Variants in TENM3 observed in about 807,000 individuals in gnomAD.
TENM3 encodes teneurin transmembrane protein 3, also known as teneurin-3.
A neutral mutation model predicts 255.1 loss-of-function variants in TENM3; 63 were observed. That is an observed-to-expected ratio of 0.25 (90% CI 0.20 to 0.30). The LOEUF is 0.30. Ranked by LOEUF, TENM3 falls within the 10% of genes least tolerant of loss-of-function variation. The pLI is 1.00. For missense variants in TENM3, 2,929 were observed against 3,461.1 expected (o/e 0.85, Z 3.86); for synonymous variants, 1,306 against 1,322.3 (o/e 0.99, Z 0.27).
At chr4:182,401,350 G>T (rs913952273) in intron 3 of TENM3, among the ~76,000 whole-genome samples, 1 of 152,134 alleles carries the variant, frequency 6.6e-6, no homozygotes, top group Admixed American at 6.5e-5. Flanking sequence ...TGGTGGTTTG[G>T]AGAAACTTTA....
the TENM3 span, among the ~76,000 whole-genome samples, chr4:181,734,024 C>A: frequency 6.6e-5 from 10 of 152,148 alleles, no homozygotes; most frequent in South Asian, 1.9e-3. Flanking sequence ...AAGCCATAAA[C>A]GTATCTTTGA....
intron 1 of TENM3, among the ~76,000 whole-genome samples, chr4:182,283,080 G>A (rs1368897749): frequency 6.6e-6 from 1 of 151,974 alleles, no homozygotes; most frequent in Admixed American, 6.6e-5. Context: ...AGAAAGCTGT[G>A]GCTTTCCTAT....
chr4:181,498,409 C>A, the TENM3 span, among the ~76,000 whole-genome samples: 30 of 152,154 alleles, frequency 2.0e-4, no homozygotes, highest in Middle Eastern at 3.2e-3. Flanking sequence ...GGACTCCACT[C>A]AGTTCTAAAC....
chr4:182,029,817 T>G, the TENM3 span, among the ~76,000 whole-genome samples: 4 of 152,110 alleles, frequency 2.6e-5, no homozygotes, highest in Non-Finnish European at 5.9e-5. Context: ...TTTAAATTAG[T>G]ATCAAACTAA....
the TENM3 span, among the ~76,000 whole-genome samples, chr4:181,580,683 G>A: frequency 6.6e-6 from 1 of 151,952 alleles, no homozygotes; most frequent in Admixed American, 6.6e-5. Flanking sequence ...CAGAGAAAGA[G>A]AGAGAGAGGA....
the TENM3 span, among the ~76,000 whole-genome samples, chr4:181,673,612 A>T: frequency 3.0e-4 from 46 of 152,192 alleles, no homozygotes; most frequent in Non-Finnish European, 6.3e-4. Flanking sequence ...ATTTTAAAGT[A>T]AGGATTTCCA....
At chr4:181,758,669 G>A in the TENM3 span, among the ~76,000 whole-genome samples, 3 of 152,300 alleles carry the variant, frequency 2.0e-5, no homozygotes, top group East Asian at 5.8e-4. Flanking sequence ...ACCCAACTTT[G>A]AGCTAAGTGC....
At chr4:181,849,495 A>G in the TENM3 span, among the ~76,000 whole-genome samples, 1 of 152,238 alleles carries the variant, frequency 6.6e-6, no homozygotes, top group South Asian at 2.1e-4. Context: ...AGAGAAAATG[A>G]TTAATTAGAT....
the TENM3 span, among the ~76,000 whole-genome samples, chr4:181,683,501 G>T: frequency 6.6e-6 from 1 of 152,170 alleles, no homozygotes; most frequent in Non-Finnish European, 1.5e-5. Flanking sequence ...TTATTCTTCA[G>T]TAAGTCTAGT....
the TENM3 span, among the ~76,000 whole-genome samples, chr4:182,113,876 T>G: frequency 2.0e-5 from 3 of 152,214 alleles, no homozygotes; most frequent in Admixed American, 6.5e-5. Context: ...AAGTGAATTG[T>G]TCCCAAATTT....
chr4:182,528,712 C>T (rs1739477714), intron 3 of TENM3, among the ~76,000 whole-genome samples: 1 of 152,196 alleles, frequency 6.6e-6, no homozygotes, highest in African/African-American at 2.4e-5. Flanking sequence ...CAGGGTTGTC[C>T]AGTCTTTTGG....
At chr4:181,885,513 G>A in the TENM3 span, among the ~76,000 whole-genome samples, 1 of 152,010 alleles carries the variant, frequency 6.6e-6, no homozygotes, top group South Asian at 2.1e-4. Context: ...TGCCCGCCTC[G>A]GCCTCCCAAA....
chr4:181,716,487 C>T, the TENM3 span, among the ~76,000 whole-genome samples: 1 of 152,172 alleles, frequency 6.6e-6, no homozygotes, highest in Non-Finnish European at 1.5e-5. Flanking sequence ...CTCCATGGCT[C>T]TGCCTACAAC....
At chr4:182,091,443 C>T in the TENM3 span, among the ~76,000 whole-genome samples, 1 of 152,168 alleles carries the variant, frequency 6.6e-6, no homozygotes, top group Non-Finnish European at 1.5e-5. Flanking sequence ...ATGGTGGTAA[C>T]TGCAGAAAGT....
At chr4:182,178,150 A>T (rs1265252288) in intron 1 of TENM3, among the ~76,000 whole-genome samples, 3 of 152,136 alleles carry the variant, frequency 2.0e-5, no homozygotes, top group Non-Finnish European at 4.4e-5. Context: ...TCAGCTATTA[A>T]ATACGTGATC....
chr4:181,634,223 G>A, the TENM3 span, among the ~76,000 whole-genome samples: 2 of 152,088 alleles, frequency 1.3e-5, no homozygotes, highest in Non-Finnish European at 1.5e-5. Flanking sequence ...GCCTTATGGG[G>A]CTGTAAACAT....
chr4:182,773,201 T>C (rs1764404979), intron 22 of TENM3, among the ~76,000 whole-genome samples: 1 of 152,210 alleles, frequency 6.6e-6, no homozygotes, highest in Non-Finnish European at 1.5e-5. Context: ...AAATTAGATG[T>C]GCAGGAGGAT....
At chr4:181,936,824 A>G in the TENM3 span, among the ~76,000 whole-genome samples, 1 of 151,930 alleles carries the variant, frequency 6.6e-6, no homozygotes, top group Admixed American at 6.6e-5. Flanking sequence ...AACAAGCAGA[A>G]GGGGAGAGCA....
intron 1 of TENM3, among the ~76,000 whole-genome samples, chr4:182,172,713 G>A (rs974903409): frequency 6.6e-6 from 1 of 151,904 alleles, no homozygotes; most frequent in South Asian, 2.1e-4. Context: ...GTTACCAATC[G>A]AGTCCTACTA....
Sources: allele counts gnomAD v4.1 joint callset (sites outside exome capture counted in the v4.1 genomes callset), GRCh38; gene constraint gnomAD v4.1.1; transcripts MANE v1.5; gene names NCBI Gene and HGNC (gene_info 2026-07-23, HGNC 2026-07-21).